THSD7A: variants seen among roughly 807,000 people sequenced by gnomAD.
The protein encoded by THSD7A is thrombospondin type 1 domain containing 7A.
Under a neutral mutation model 231.3 loss-of-function variants are expected in THSD7A, and 96 were observed. That is an observed-to-expected ratio of 0.41 (90% CI 0.35 to 0.49). THSD7A has a LOEUF of 0.49. Ranked by LOEUF, THSD7A falls within the 20% of genes least tolerant of loss-of-function variation. The pLI, the probability that THSD7A is intolerant of heterozygous loss-of-function variation, is 0.05. For missense variants in THSD7A, 2,290 were observed against 2,070.2 expected, an observed-to-expected ratio of 1.11 and a Z score of -2.06; for synonymous variants, 940 against 743.3, an observed-to-expected ratio of 1.26 and a Z score of -4.30.
chr7:11,549,981 A>C (rs571725925), intron 4 of THSD7A, among the ~76,000 whole-genome samples: 64 of 152,244 alleles, frequency 4.2e-4, no homozygotes, highest in African/African-American at 1.5e-3. Flanking sequence ...TGGAAGTTCT[A>C]GCCAGTGAAA....
At chr7:11,488,856 G>T (rs1459840133) in intron 6 of THSD7A, among the ~76,000 whole-genome samples, 1 of 152,054 alleles carries the variant, frequency 6.6e-6, no homozygotes, top group Non-Finnish European at 1.5e-5. Context: ...CTGACATGCT[G>T]CTTTTTCACT....
intron 6 of THSD7A, among the ~76,000 whole-genome samples, chr7:11,492,084 G>T (rs146718025): frequency 6.6e-6 from 1 of 151,878 alleles, no homozygotes; most frequent in South Asian, 2.1e-4. Context: ...ATGCATTCAC[G>T]TCTGTTGTGT....
chr7:11,721,519 A>G (rs1562503293), intron 1 of THSD7A, among the ~76,000 whole-genome samples: 1 of 151,718 alleles, frequency 6.6e-6, no homozygotes, highest in African/African-American at 2.4e-5. Context: ...AGCCTACGGA[A>G]CTGTGAGTCA....
At chr7:11,593,134 G>T in intron 3 of THSD7A, 120 bp downstream of exon 3, 1 of 1,365,414 alleles carries the variant, frequency 7.3e-7, no homozygotes, top group Non-Finnish European at 9.7e-7. Flanking sequence ...TAAGGATACT[G>T]TTTGTAAAGA....
intron 1 of THSD7A, among the ~76,000 whole-genome samples, chr7:11,742,424 C>A: frequency 6.6e-6 from 1 of 151,802 alleles, no homozygotes; most frequent in South Asian, 2.1e-4. Context: ...AATAACTTGA[C>A]AATAAAGTGA....
In THSD7A at chr7:11,636,271, G is replaced by A; in HGVS notation, c.881C>T (p.Pro294Leu). 6.2e-7 allele frequency: 1 copy of A among 1,613,964 alleles called. No individual in the cohort carries two copies. Among genetic ancestry groups the A allele is most frequent in the Non-Finnish European group, 8.5e-7 (1 of 1,179,882 alleles). The change falls in exon 2 of 28, where the codon CCA becomes CTA. Residue 294 changes from proline (P) to leucine (L), a missense_variant. Coordinates refer to ENST00000423059, the MANE Select transcript of THSD7A (RefSeq NM_015204.3). This position sits in a 1 kb window ranked among gnomAD's most constrained non-coding sequence, Gnocchi z 10.0. Reference protein sequence around the residue: ...EKDRSKGVKDPEARELIKKKR... With the variant: ...EKDRSKGVKDLEARELIKKKR... ...TTTCTTAATAAGCTCGCGGGCTTCT[G>A]GATCCTTTACTCCTTTGCTGCGGTC...
rs550333678 is a variant in THSD7A, at chr7:11,413,786, T to C, written c.3538-986A>G. On this transcript the variant is annotated intron_variant, in intron 17 of 27. Coordinates refer to ENST00000423059, the MANE Select transcript of THSD7A (RefSeq NM_015204.3). ...GTAGATTGGCCTTTGAGATATCTTT[T>C]CCATTTTTTTGCATGTCTAACACCC... is the stretch of plus-strand genomic sequence containing the variant. 3.9e-5 allele frequency: 6 copies of C among 152,272 alleles called. No individual in the cohort carries two copies. The South Asian group carries it at 1.2e-3, about 32-fold the overall frequency. The allele number at this position is 152,272 out of a possible 1,614,324, so 9.4% of individuals were successfully genotyped here.
At position 11,691,314 on chromosome 7, in the gene THSD7A, C is replaced by A. The variant is rs548797517; in HGVS notation, c.191-54353G>T. On this transcript the variant is annotated intron_variant, in intron 1 of 27. Transcript: ENST00000423059. ...GTGCATGGTAATAGGTATTACCATGCAAGTTGCAATTGTAATAGGTATTAT... is the reference window on the plus strand; with the variant it reads ...GTGCATGGTAATAGGTATTACCATGAAAGTTGCAATTGTAATAGGTATTAT... Among the ~76,000 whole-genome samples the A allele has an allele frequency of 2.6e-5, 4 of 151,424 alleles. No homozygotes were observed. In the South Asian group the frequency reaches 8.3e-4, roughly 31 times the overall value.
intron 13 of THSD7A, among the ~76,000 whole-genome samples, chr7:11,431,972 TAAAGG>T (rs1215555654): frequency 6.6e-6 from 1 of 152,174 alleles, no homozygotes; most frequent in Non-Finnish European, 1.5e-5. Flanking sequence ...TTTCTTTAAT[TAAAGG>T]AAAGTCAGAC....
chr7:11,820,753 T>C, intron 1 of THSD7A: 1 of 1,212,828 alleles, frequency 8.2e-7, no homozygotes, highest in Admixed American at 1.7e-5. Context: ...ACTCTTCTGC[T>C]TTGTAGGAGT....
At chr7:11,820,945 G>T in intron 1 of THSD7A, 1 of 1,022,088 alleles carries the variant, frequency 9.8e-7, no homozygotes, top group Non-Finnish European at 1.5e-6. Flanking sequence ...CTCTCCTTAT[G>T]TTTTTTATGA....
chr7:11,832,041 C>A lies in THSD7A; in HGVS notation c.-95G>T. ...ACGTCTTTTCAAAGAGTACAGAAAG[C>A]AAAGCTCTTTCCTGCTATTGTTCGC... On this transcript the variant is annotated 5_prime_UTR_variant, in exon 1 of 28. Transcript: ENST00000423059. 1 of 845,866 alleles carries A rather than the reference C, an allele frequency of 1.2e-6. No homozygotes were observed. Among genetic ancestry groups the A allele is most frequent in the Non-Finnish European group, 1.5e-6 (1 of 647,824 alleles). The allele number at this position is 845,866 out of a possible 1,614,324, so 52.4% of individuals were successfully genotyped here.
intron 1 of THSD7A, chr7:11,820,487 A>G: frequency 2.0e-6 from 2 of 1,016,036 alleles, no homozygotes; most frequent in Non-Finnish European, 2.8e-6. Flanking sequence ...CATGCAAGTA[A>G]TACTTCTTGC....
intron 1 of THSD7A, among the ~76,000 whole-genome samples, chr7:11,650,768 A>C (rs1782468546): frequency 6.6e-6 from 1 of 152,094 alleles, no homozygotes; most frequent in Non-Finnish European, 1.5e-5. Flanking sequence ...AAAATAGCAC[A>C]GAAGTAGCAT....
chr7:11,566,222 A>T (rs943860926), intron 4 of THSD7A, among the ~76,000 whole-genome samples: 1 of 152,212 alleles, frequency 6.6e-6, no homozygotes, highest in Non-Finnish European at 1.5e-5. Context: ...ATGCATAATC[A>T]TAATTTTCAT....
intron 1 of THSD7A, among the ~76,000 whole-genome samples, chr7:11,741,637 G>A (rs1285338749): frequency 1.3e-5 from 2 of 151,808 alleles, no homozygotes; most frequent in Admixed American, 6.6e-5. Context: ...GCACTCCTTG[G>A]TTGAAAGAAA....
At chr7:11,717,271 C>T (rs1781172746) in intron 1 of THSD7A, among the ~76,000 whole-genome samples, 1 of 151,654 alleles carries the variant, frequency 6.6e-6, no homozygotes. Context: ...GACTCTAGCC[C>T]GTCCTTTGAA....
rs940608570 is a variant in THSD7A at position 11,450,312 on chromosome 7, G to C, written c.2606-2888C>G. Among the ~76,000 whole-genome samples, 3 of 151,834 alleles carry C rather than the reference G, an allele frequency of 2.0e-5. No individual in the cohort carries two copies. The East Asian group carries it at 5.8e-4, about 29-fold the overall frequency. ...ACTACATAAAATCTTAAGTACTCTA[G>C]CTAGTTGAAAAGAAAAAAAAATTGT... On this transcript the variant is annotated intron_variant, in intron 11 of 27. Transcript: ENST00000423059.
chr7:11,765,946 C>A (rs529515380), intron 1 of THSD7A, among the ~76,000 whole-genome samples: 17 of 152,234 alleles, frequency 1.1e-4, no homozygotes, highest in South Asian at 4.1e-4. Flanking sequence ...TTATCCTGTA[C>A]ACAAATCTAA....
Sources: gnomAD v4.1 joint callset for allele counts (sites outside exome capture counted in the v4.1 genomes callset) on GRCh38, gnomAD v4.1.1 for gene constraint, Gnocchi (gnomAD v3.1) non-coding constraint, MANE v1.5 for transcripts, NCBI Gene and HGNC (gene_info 2026-07-23, HGNC 2026-07-21) for gene names.